The following TES variants were observed in gnomAD, a reference collection of about 807,000 sequenced individuals.
TES encodes the protein testin LIM domain protein, also known as testin.
A neutral mutation model predicts 48.2 loss-of-function variants in TES; 41 were observed. The ratio of observed to expected loss-of-function variants is 0.85; its 90% CI spans 0.66 to 1.10. The LOEUF (loss-of-function observed/expected upper bound fraction) is 1.10, where lower values mean the gene tolerates loss of function less well. Among genes scored for constraint, TES ranks in the 50% least tolerant of loss-of-function variants. TES has a pLI of 0.00. For missense variants in TES, 463 were observed against 515.1 expected (o/e 0.90, Z 0.98); for synonymous variants, 162 against 174.9 (o/e 0.93, Z 0.58).
At chr7:116,252,587 A>G in intron 6 of TES, 111 bp downstream of exon 6, 1 of 1,495,370 alleles carries the variant, frequency 6.7e-7, no homozygotes. Flanking sequence ...TCCTAAGTAG[A>G]AAGCAAATTA....
At chr7:116,232,551 AAG>A (rs933654369) in intron 1 of TES, among the ~76,000 whole-genome samples, 8 of 132,960 alleles carry the variant, frequency 6.0e-5, no homozygotes, top group African/African-American at 1.8e-4. Context: ...GGGCCTGAAA[AAG>A]AAAACTTTTT....
chr7:116,231,264 A>G (rs1224129160), intron 1 of TES, among the ~76,000 whole-genome samples: 4 of 152,234 alleles, frequency 2.6e-5, no homozygotes, highest in Non-Finnish European at 4.4e-5. Flanking sequence ...GGAGACTTTA[A>G]AAGAGCAGCA....
intron 4 of TES, 122 bp downstream of exon 4, chr7:116,250,618 A>T (rs1330180861): frequency 2.6e-6 from 2 of 761,714 alleles, no homozygotes; most frequent in African/African-American, 3.6e-5. Flanking sequence ...TATGGGGAAT[A>T]AATAGGATTT....
At chr7:116,217,791 A>G (rs374068673) in intron 1 of TES, 2 of 518,230 alleles carry the variant, frequency 3.9e-6, no homozygotes, top group South Asian at 1.4e-5. Flanking sequence ...ATGCTTTTCA[A>G]CTGCCCAACT....
chr7:116,210,877 G>C, intron 1 of TES, 143 bp downstream of exon 1: 2 of 689,594 alleles, frequency 2.9e-6, no homozygotes, highest in Non-Finnish European at 4.1e-6. Flanking sequence ...CCCGGGCCCA[G>C]GGACCTGGCC....
chr7:116,226,273 G>C (rs1305298835), intron 1 of TES, among the ~76,000 whole-genome samples: 1 of 152,186 alleles, frequency 6.6e-6, no homozygotes, highest in Non-Finnish European at 1.5e-5. Context: ...AATCTAATGG[G>C]GGTAAATTGA....
chr7:116,249,151 A>T lies in TES; in HGVS notation c.245A>T (p.Asp82Val). The T allele has an allele frequency of 6.2e-7, 1 of 1,614,150 alleles. No individual in the cohort carries two copies. The change falls in exon 3 of 7, where the codon GAT becomes GTT. Residue 82 changes from aspartate (D) to valine (V), a missense_variant. Asp to Val is a radical substitution (Grantham distance 152). Coordinates refer to ENST00000358204, the MANE Select transcript of TES (RefSeq NM_015641.4). ...ACTCTGATTGCAAAACTAAAGTCAG[A>T]TGGAATTCCCATGTATAAACGCAAT... ...YTTLIAKLKSDGIPMYKRNVM... is the reference protein window; with the variant it reads ...YTTLIAKLKSVGIPMYKRNVM...
intron 1 of TES, among the ~76,000 whole-genome samples, chr7:116,227,713 A>G (rs1799641579): frequency 6.6e-6 from 1 of 152,206 alleles, no homozygotes; most frequent in African/African-American, 2.4e-5. Flanking sequence ...ATGTGTGTGT[A>G]TATATGATAG....
rs376367257 is a variant in TES, at chr7:116,241,033, CT to C, written c.113+6416del. 3.4e-3 allele frequency among the ~76,000 whole-genome samples: 522 copies of C among 152,170 alleles called. 1 individual carries two copies. The highest frequency in any genetic ancestry group is 6.8e-3 in the Middle Eastern group (2 of 294). On this transcript the variant is annotated intron_variant, in intron 2 of 6. Coordinates refer to ENST00000358204, the MANE Select transcript of TES (RefSeq NM_015641.4). Reference sequence around the variant, plus strand: ...CCACGTTTTTAAAGTTCTTCATTTTCTTAAGGGTAGAATCTGGGTTAGTTTA... The same window carrying C: ...CCACGTTTTTAAAGTTCTTCATTTTCTAAGGGTAGAATCTGGGTTAGTTTA...
intron 2 of TES, 46 bp from the exon 3 acceptor site, chr7:116,248,974 C>G (rs1390605425): frequency 2.0e-6 from 3 of 1,489,154 alleles, no homozygotes; most frequent in Non-Finnish European, 2.7e-6. Context: ...ACATAAATAT[C>G]AATTAGGTAC....
At position 116,210,561 on chromosome 7, in the gene TES, A is replaced by G; in HGVS notation, c.-147A>G. The G allele has an allele frequency of 9.0e-6, 8 of 885,166 alleles. No individual in the cohort carries two copies. Among genetic ancestry groups the G allele is most frequent in the Non-Finnish European group, 1.1e-5 (7 of 661,028 alleles). The allele number at this position is 885,166 out of a possible 1,614,324, so 54.8% of individuals were successfully genotyped here. ...CCCGCTGCGGCGGACTGGGCGGCGG[A>G]AGTTCGACGGCGCCGGGCGAGTGGC... is the stretch of plus-strand genomic sequence containing the variant. On this transcript the variant is annotated 5_prime_UTR_variant, in exon 1 of 7. Transcript: ENST00000358204.
intron 2 of TES, among the ~76,000 whole-genome samples, chr7:116,236,186 T>C (rs945919677): frequency 5.9e-5 from 9 of 152,220 alleles, no homozygotes; most frequent in African/African-American, 1.9e-4. Flanking sequence ...CTATTGGGCC[T>C]ATTAGTTAAC....
intron 1 of TES, among the ~76,000 whole-genome samples, chr7:116,219,981 A>G (rs1014301077): frequency 9.2e-5 from 14 of 152,142 alleles, no homozygotes; most frequent in Non-Finnish European, 1.5e-4. Flanking sequence ...TTTGAAACAT[A>G]GGCCTCTCCA....
intron 1 of TES, chr7:116,210,963 AG>A: frequency 2.9e-6 from 1 of 341,906 alleles, no homozygotes; most frequent in Non-Finnish European, 5.3e-6. Context: ...AGCGCGAGCG[AG>A]GGCGGGCGCG....
intron 2 of TES, among the ~76,000 whole-genome samples, chr7:116,242,932 A>T (rs1799869107): frequency 6.6e-6 from 1 of 152,164 alleles, no homozygotes; most frequent in Non-Finnish European, 1.5e-5. Flanking sequence ...CTTGCTTCAC[A>T]TCTTAAAACT....
chr7:116,255,924 T>C (rs1487096968), intron 6 of TES, among the ~76,000 whole-genome samples: 2 of 140,860 alleles, frequency 1.4e-5, no homozygotes, highest in East Asian at 4.9e-4. Context: ...AAGATTAATA[T>C]GAAATGCAGA....
At chr7:116,231,052 G>T (rs961480530) in intron 1 of TES, among the ~76,000 whole-genome samples, 2 of 152,170 alleles carry the variant, frequency 1.3e-5, no homozygotes, top group African/African-American at 4.8e-5. Flanking sequence ...GTGACTCTTT[G>T]GAAGACAAGA....
chr7:116,246,971 C>T (rs1469644504), intron 2 of TES, among the ~76,000 whole-genome samples: 3 of 108,590 alleles, frequency 2.8e-5, no homozygotes, highest in African/African-American at 1.1e-4. Flanking sequence ...TTTTTTTAAG[C>T]ACTATGTCCT....
intron 1 of TES, among the ~76,000 whole-genome samples, chr7:116,231,009 G>C (rs377518374): frequency 6.6e-5 from 10 of 152,304 alleles, no homozygotes; most frequent in African/African-American, 2.4e-4. Flanking sequence ...TTCTGGAAAA[G>C]AAAGTTCTTT....
Sources: gnomAD v4.1 joint callset for allele counts (sites outside exome capture counted in the v4.1 genomes callset) on GRCh38, gnomAD v4.1.1 for gene constraint, MANE v1.5 for transcripts, NCBI Gene and HGNC (gene_info 2026-07-23, HGNC 2026-07-21) for gene names.